SPAM1: variants seen among roughly 807,000 people sequenced by gnomAD.
SPAM1 encodes sperm adhesion molecule 1.
SPAM1 carries 22 observed loss-of-function variants against 29.6 expected under a neutral mutation model. The ratio of observed to expected loss-of-function variants is 0.74; its 90% CI spans 0.53 to 1.06. The LOEUF (loss-of-function observed/expected upper bound fraction) is 1.06, where lower values mean the gene tolerates loss of function less well. SPAM1 is among the 50% of genes least tolerant of loss of function. The pLI is 0.00. For synonymous variants in SPAM1, 194 were observed against 204.6 expected, an observed-to-expected ratio of 0.95 and a Z score of 0.44; for missense variants, 534 against 604.0, an observed-to-expected ratio of 0.88 and a Z score of 1.21.
In SPAM1 at chr7:123,953,407, C is replaced by T; in HGVS notation, c.-164C>T. On this transcript the variant is annotated 5_prime_UTR_variant, in exon 3 of 5. An upstream open reading frame in the 5' UTR gains an earlier in-frame stop. Transcript: ENST00000682466. ...TGAAAAACAATCCTGAAACATGAAA[C>T]AAGAATAATAATATTTAAATGTAAC... The T allele has an allele frequency of 2.1e-6, 1 of 474,718 alleles. No homozygotes were observed. Among genetic ancestry groups the T allele is most frequent in the Non-Finnish European group, 3.7e-6 (1 of 273,538 alleles). The allele number at this position is 474,718 out of a possible 1,614,324, so 29.4% of individuals were successfully genotyped here.
At chr7:123,963,183 A>T (rs1563033875), downstream of SPAM1, among the ~76,000 whole-genome samples, 2 of 151,830 alleles carry the variant, frequency 1.3e-5, no homozygotes, top group African/African-American at 4.8e-5. Context: ...CTTTCAAAAA[A>T]TTTTGTTCCA....
intron 6 of SPAM1, among the ~76,000 whole-genome samples, chr7:123,970,570 C>A (rs1208073886): frequency 6.7e-6 from 1 of 148,794 alleles, no homozygotes; most frequent in Non-Finnish European, 1.5e-5. Flanking sequence ...GCCTGGACAA[C>A]ACAGTGAGAT....
At chr7:123,943,016 A>C (rs559581304) in intron 1 of SPAM1, among the ~76,000 whole-genome samples, 7 of 152,338 alleles carry the variant, frequency 4.6e-5, no homozygotes, top group African/African-American at 1.4e-4. Context: ...AGAGAGAAAT[A>C]TGCTCCAAAT....
intron 1 of SPAM1, among the ~76,000 whole-genome samples, chr7:123,933,446 C>T (rs1332300921): frequency 6.6e-6 from 1 of 152,160 alleles, no homozygotes; most frequent in Non-Finnish European, 1.5e-5. Context: ...AGCAAGCTTA[C>T]ATACTTTTAA....
At chr7:123,961,883 A>AGG, downstream of SPAM1, among the ~76,000 whole-genome samples, 1 of 152,096 alleles carries the variant, frequency 6.6e-6, no homozygotes, top group East Asian at 2.0e-4. Flanking sequence ...GACAAGGGAA[A>AGG]GGGGAAACCC....
intron 1 of SPAM1, among the ~76,000 whole-genome samples, chr7:123,944,499 C>T (rs977937281): frequency 6.6e-6 from 1 of 151,862 alleles, no homozygotes; most frequent in African/African-American, 2.4e-5. Context: ...TTTGTTAGGC[C>T]CAGTTACCAA....
At chr7:123,949,540 G>A (rs539665306) in intron 1 of SPAM1, among the ~76,000 whole-genome samples, 13 of 152,072 alleles carry the variant, frequency 8.5e-5, no homozygotes, top group South Asian at 2.1e-4. Context: ...ATGAAATACC[G>A]TATTTAAGCA....
intron 1 of SPAM1, among the ~76,000 whole-genome samples, chr7:123,948,251 T>C (rs1808649228): frequency 6.6e-6 from 1 of 152,160 alleles, no homozygotes; most frequent in Non-Finnish European, 1.5e-5. Flanking sequence ...TTCCTTAAAA[T>C]TCTTAGCTTG....
intron 1 of SPAM1, among the ~76,000 whole-genome samples, chr7:123,938,992 G>C (rs556064680): frequency 6.6e-6 from 1 of 151,998 alleles, no homozygotes; most frequent in East Asian, 1.9e-4. Context: ...ACTGATCTCA[G>C]CCTGGGGTTT....
At chr7:123,929,033 G>C (rs764547947) in intron 1 of SPAM1, among the ~76,000 whole-genome samples, 57 of 152,168 alleles carry the variant, frequency 3.7e-4, no homozygotes, top group Non-Finnish European at 7.6e-4. Context: ...ATGTTGAAGA[G>C]ACTGTCCTGC....
intron 1 of SPAM1, among the ~76,000 whole-genome samples, chr7:123,941,513 C>A (rs1808426359): frequency 6.6e-6 from 1 of 152,138 alleles, no homozygotes. Flanking sequence ...TGCATTTTTA[C>A]ATAAACAATA....
intron 1 of SPAM1, among the ~76,000 whole-genome samples, chr7:123,938,033 G>C (rs1808308792): frequency 6.6e-6 from 1 of 151,764 alleles, no homozygotes; most frequent in African/African-American, 2.4e-5. Context: ...TTGGTGCTGG[G>C]AAGATGTTTG....
At chr7:123,947,427 G>C (rs1192289221) in intron 1 of SPAM1, among the ~76,000 whole-genome samples, 1 of 152,220 alleles carries the variant, frequency 6.6e-6, no homozygotes, top group African/African-American at 2.4e-5. Context: ...GTGTGCGCCT[G>C]TAGTCCCAAC....
At chr7:123,967,672 T>C (rs1792445831) in intron 5 of SPAM1, among the ~76,000 whole-genome samples, 1 of 151,608 alleles carries the variant, frequency 6.6e-6, no homozygotes, top group Non-Finnish European at 1.5e-5. Flanking sequence ...CTCTGGAGAC[T>C]GCTAAAATGC....
At chr7:123,951,443 T>TG (rs779025317) in intron 2 of SPAM1, among the ~76,000 whole-genome samples, 51 of 152,166 alleles carry the variant, frequency 3.4e-4, no homozygotes, top group Non-Finnish European at 6.5e-4. Context: ...TGCTAACTTC[T>TG]AGGTCTAATC....
At chr7:123,929,837 G>C (rs1808011873) in intron 1 of SPAM1, among the ~76,000 whole-genome samples, 1 of 150,900 alleles carries the variant, frequency 6.6e-6, no homozygotes, top group Admixed American at 6.6e-5. Context: ...AGGCCAGAGT[G>C]CTTTCTGCCA....
intron 1 of SPAM1, among the ~76,000 whole-genome samples, chr7:123,935,160 A>G (rs1808212900): frequency 6.6e-6 from 1 of 152,146 alleles, no homozygotes; most frequent in East Asian, 1.9e-4. Flanking sequence ...TCTTCTTCCT[A>G]ATACAGGGAG....
intron 2 of SPAM1, 84 bp from the exon 3 acceptor site, chr7:123,953,281 G>A: frequency 6.8e-6 from 2 of 292,442 alleles, no homozygotes; most frequent in South Asian, 1.3e-4. Context: ...TAAACCCCCT[G>A]CACTTAAAGT....
intron 1 of SPAM1, among the ~76,000 whole-genome samples, chr7:123,935,701 A>G (rs907671456): frequency 3.3e-5 from 5 of 152,172 alleles, no homozygotes; most frequent in African/African-American, 4.8e-5. Context: ...TCAGCCTCCA[A>G]AGTTTTTGGG....
Sources: allele counts gnomAD v4.1 joint callset (sites outside exome capture counted in the v4.1 genomes callset), GRCh38; gene constraint gnomAD v4.1.1; transcripts MANE v1.5; gene names NCBI Gene and HGNC (gene_info 2026-07-23, HGNC 2026-07-21).